The following GUCY1A2 variants were observed in gnomAD, a reference collection of about 807,000 sequenced individuals.
GUCY1A2 encodes guanylate cyclase 1 soluble subunit alpha 2.
A neutral mutation model predicts 63.5 loss-of-function variants in GUCY1A2; 27 were observed. The ratio of observed to expected loss-of-function variants is 0.43; its 90% CI spans 0.31 to 0.59. The LOEUF (loss-of-function observed/expected upper bound fraction) is 0.59, where lower values mean the gene tolerates loss of function less well. Ranked by LOEUF, GUCY1A2 falls within the 20% of genes least tolerant of loss-of-function variation. The probability of loss-of-function intolerance (pLI) is 0.11; values close to 1 mark genes in which losing one functional copy is unlikely to be tolerated. For synonymous variants in GUCY1A2, 364 were observed against 343.5 expected (o/e 1.06, Z -0.66); for missense variants, 768 against 913.3 (o/e 0.84, Z 2.05).
At chr11:106,976,281 TTTC>T (rs942369071) in intron 3 of GUCY1A2, among the ~76,000 whole-genome samples, 7 of 152,120 alleles carry the variant, frequency 4.6e-5, no homozygotes, top group Admixed American at 3.3e-4. Flanking sequence ...CATCAAAATT[TTTC>T]TTATCTTGGT....
intron 4 of GUCY1A2, among the ~76,000 whole-genome samples, chr11:106,835,251 T>C (rs1027245142): frequency 8.6e-5 from 13 of 151,732 alleles, no homozygotes; most frequent in Non-Finnish European, 1.0e-4. Context: ...AAATAGAACC[T>C]TTATAAATTT....
rs71470827 is a variant in GUCY1A2, at chr11:106,698,119, A to ATTTTTTTTTTT, written c.1992-10374_1992-10364dup. 3.1e-3 allele frequency among the ~76,000 whole-genome samples: 311 copies of ATTTTTTTTTTT among 100,460 alleles called. 36 individuals carry two copies. Among genetic ancestry groups the ATTTTTTTTTTT allele is most frequent in the African/African-American group, 8.4e-3 (182 of 21,780 alleles). The allele number at this position is 100,460 out of a possible 152,430, so 65.9% of individuals were successfully genotyped here. Reference sequence around the variant, plus strand: ...TTTACAGCTTTCACTGAATGTTAGAATTTTTTTTTTTTTTTTTTTAGACAG... The same window carrying ATTTTTTTTTTT: ...TTTACAGCTTTCACTGAATGTTAGAATTTTTTTTTTTTTTTTTTTTTTTTTTTTTTAGACAG... On this transcript the variant is annotated intron_variant, in intron 7 of 7. Coordinates refer to ENST00000526355, the MANE Select transcript of GUCY1A2 (RefSeq NM_000855.3).
intron 4 of GUCY1A2, chr11:106,936,631 G>T: frequency 6.9e-7 from 1 of 1,447,314 alleles, no homozygotes; most frequent in Non-Finnish European, 9.4e-7. Context: ...CAAGCCATCT[G>T]GAAGAGTTTT....
chr11:106,898,280 G>C (rs533041934), intron 4 of GUCY1A2, among the ~76,000 whole-genome samples: 3 of 152,330 alleles, frequency 2.0e-5, no homozygotes, highest in Admixed American at 6.5e-5. Flanking sequence ...TTGGAAGACA[G>C]TTTGGCAGTT....
chr11:106,676,802 A>G lies in GUCY1A2; in HGVS notation c.*10747T>C. 1 of 197,240 alleles carries G rather than the reference A, an allele frequency of 5.1e-6. No individual in the cohort carries two copies. The highest frequency in any genetic ancestry group is 1.1e-5 in the Non-Finnish European group (1 of 95,160). 12.2% of individuals were successfully genotyped at this position (197,240 alleles called of 1,614,324 possible). Reference sequence around the variant, plus strand: ...CAGTGTGGTACTCACATAAAAAAAAATGACTACTTGAAAATAAGAGGTTTT... The same window carrying G: ...CAGTGTGGTACTCACATAAAAAAAAGTGACTACTTGAAAATAAGAGGTTTT... On this transcript the variant is annotated 3_prime_UTR_variant, in exon 8 of 8. Coordinates refer to ENST00000526355, the MANE Select transcript of GUCY1A2 (RefSeq NM_000855.3).
intron 4 of GUCY1A2, among the ~76,000 whole-genome samples, chr11:106,885,825 A>G (rs913057661): frequency 3.3e-5 from 5 of 152,218 alleles, no homozygotes; most frequent in Non-Finnish European, 5.9e-5. Flanking sequence ...ACATAAACAC[A>G]AGCATTTCAA....
intron 2 of GUCY1A2, among the ~76,000 whole-genome samples, chr11:106,983,336 A>G (rs189549443): frequency 6.6e-6 from 1 of 152,338 alleles, no homozygotes; most frequent in Non-Finnish European, 1.5e-5. Flanking sequence ...ATTAAGGAAC[A>G]GAATAATGTT....
chr11:106,818,508 A>C (rs1411335391), intron 4 of GUCY1A2, among the ~76,000 whole-genome samples: 1 of 152,094 alleles, frequency 6.6e-6, no homozygotes, highest in Non-Finnish European at 1.5e-5. Flanking sequence ...AGAGCTCCCT[A>C]TCACATGAGA....
chr11:106,848,182 A>G (rs1859302927), intron 4 of GUCY1A2, among the ~76,000 whole-genome samples: 1 of 151,566 alleles, frequency 6.6e-6, no homozygotes. Flanking sequence ...ATGTTGTTCA[A>G]TTTTTATTTT....
At chr11:106,734,803 GGAACATCTC>G (rs1863561472) in intron 6 of GUCY1A2, among the ~76,000 whole-genome samples, 1 of 151,964 alleles carries the variant, frequency 6.6e-6, no homozygotes, top group Non-Finnish European at 1.5e-5. Flanking sequence ...CTTTGAGGTT[GGAACATCTC>G]GATTTTAGCG....
intron 3 of GUCY1A2, among the ~76,000 whole-genome samples, chr11:106,967,295 T>A (rs1215779995): frequency 6.6e-6 from 1 of 152,146 alleles, no homozygotes; most frequent in East Asian, 1.9e-4. Context: ...ATTGCCCACT[T>A]TATTTTCTCC....
At chr11:106,724,343 G>C (rs1043333660) in intron 6 of GUCY1A2, among the ~76,000 whole-genome samples, 1 of 152,200 alleles carries the variant, frequency 6.6e-6, no homozygotes, top group African/African-American at 2.4e-5. Flanking sequence ...CTATAACCCA[G>C]TAAGGAACTT....
At chr11:106,852,572 T>TG (rs1410355619) in intron 4 of GUCY1A2, among the ~76,000 whole-genome samples, 1 of 152,204 alleles carries the variant, frequency 6.6e-6, no homozygotes, top group Non-Finnish European at 1.5e-5. Context: ...AATGAACATT[T>TG]GGCTTTTGTC....
At chr11:106,869,283 CT>C (rs1236899553) in intron 4 of GUCY1A2, among the ~76,000 whole-genome samples, 2 of 152,176 alleles carry the variant, frequency 1.3e-5, no homozygotes, top group East Asian at 3.8e-4. Flanking sequence ...TAAAGAGCTT[CT>C]GCACAGCAAA....
intron 3 of GUCY1A2, among the ~76,000 whole-genome samples, chr11:106,947,559 C>A (rs1860847135): frequency 6.6e-6 from 1 of 151,862 alleles, no homozygotes; most frequent in Admixed American, 6.6e-5. Flanking sequence ...TGTATATGTA[C>A]ATATGTATTA....
chr11:106,895,764 C>T (rs1860038679), intron 4 of GUCY1A2, among the ~76,000 whole-genome samples: 2 of 152,078 alleles, frequency 1.3e-5, no homozygotes, highest in South Asian at 4.1e-4. Flanking sequence ...AGGCCAGTAT[C>T]ACCCTAATAA....
At chr11:107,010,360 C>T (rs542196062) in intron 1 of GUCY1A2, among the ~76,000 whole-genome samples, 1 of 152,306 alleles carries the variant, frequency 6.6e-6, no homozygotes, top group African/African-American at 2.4e-5. Context: ...TGTTGACAAA[C>T]ATTTCTTCTC....
chr11:106,878,097 A>G (rs899221428), intron 4 of GUCY1A2, among the ~76,000 whole-genome samples: 2 of 152,056 alleles, frequency 1.3e-5, no homozygotes, highest in Non-Finnish European at 2.9e-5. Flanking sequence ...TCACACAAAT[A>G]AGAATGGCTA....
chr11:106,787,973 A>G (rs1274607196), intron 5 of GUCY1A2, among the ~76,000 whole-genome samples: 1 of 152,012 alleles, frequency 6.6e-6, no homozygotes, highest in Non-Finnish European at 1.5e-5. Flanking sequence ...TATTCCCCAT[A>G]TTGGTTGTAC....
Sources: allele counts gnomAD v4.1 joint callset (sites outside exome capture counted in the v4.1 genomes callset), GRCh38; gene constraint gnomAD v4.1.1; transcripts MANE v1.5; gene names NCBI Gene and HGNC (gene_info 2026-07-23, HGNC 2026-07-21).